FAM200B: variants seen among roughly 807,000 people sequenced by gnomAD.
FAM200B encodes the protein zinc finger BED-type containing 11.
In FAM200B, 32 loss-of-function variants were observed where a neutral mutation model predicts 33.1. The ratio of observed to expected loss-of-function variants is 0.97; its 90% confidence interval spans 0.73 to 1.30. The LOEUF (loss-of-function observed/expected upper bound fraction) is 1.30, where lower values mean the gene tolerates loss of function less well. FAM200B is among the 50% of genes most tolerant of loss of function. The probability of loss-of-function intolerance (pLI) is 0.00; values close to 1 mark genes in which losing one functional copy is unlikely to be tolerated. For missense variants in FAM200B, 741 were observed against 754.0 expected (o/e 0.98, Z 0.20); for synonymous variants, 240 against 264.8 (o/e 0.91, Z 0.91).
chr4:15,640,178 T>G, the FAM200B span, among the ~76,000 whole-genome samples: 1 of 152,076 alleles, frequency 6.6e-6, no homozygotes, highest in African/African-American at 2.4e-5. Flanking sequence ...GTAGCTGAGA[T>G]GACAGGCACA....
chr4:15,659,673 T>C, the FAM200B span: 8 of 953,780 alleles, frequency 8.4e-6, no homozygotes, highest in Non-Finnish European at 1.0e-5. Context: ...CCTTGCAAAA[T>C]TTTCAGACAG....
At chr4:15,640,980 G>T in the FAM200B span, 1 of 549,840 alleles carries the variant, frequency 1.8e-6, no homozygotes, top group Non-Finnish European at 3.1e-6. Flanking sequence ...AACCTCCGGG[G>T]AAAAAAAAAT....
At chr4:15,646,382 C>T in the FAM200B span, among the ~76,000 whole-genome samples, 3 of 147,424 alleles carry the variant, frequency 2.0e-5, no homozygotes, top group Admixed American at 1.3e-4. Flanking sequence ...TTTTTTAAAT[C>T]ATAAGAAATG....
At chr4:15,654,511 T>C in the FAM200B span, among the ~76,000 whole-genome samples, 4 of 152,134 alleles carry the variant, frequency 2.6e-5, no homozygotes, top group African/African-American at 7.2e-5. Flanking sequence ...CAAGAGAGAA[T>C]TGCTGTCTTA....
the FAM200B span, among the ~76,000 whole-genome samples, chr4:15,669,117 T>C: frequency 1.3e-5 from 2 of 152,206 alleles, no homozygotes; most frequent in Non-Finnish European, 1.5e-5. Context: ...TGAGTATTTG[T>C]TACTTGACAA....
the FAM200B span, among the ~76,000 whole-genome samples, chr4:15,648,030 T>G: frequency 1.3e-5 from 2 of 152,166 alleles, no homozygotes; most frequent in African/African-American, 4.8e-5. Flanking sequence ...CAGTTACTTT[T>G]TTATTTTTTA....
rs1025914532 is a variant in FAM200B, at chr4:15,687,861, C to G, written c.884C>G (p.Thr295Arg). 4 of 1,551,222 alleles carry G rather than the reference C, an allele frequency of 2.6e-6. No individual in the cohort carries two copies. The highest frequency in any genetic ancestry group is 2.0e-5 in the Admixed American group (1 of 50,996). Residue 295 changes from threonine (T) to arginine (R), a missense_variant, in exon 2 of 2, where the codon ACA becomes AGA. Coordinates refer to ENST00000422728, the MANE Select transcript of FAM200B (RefSeq NM_001145191.2). ...AACTGGAAAAACTGTAAAGGAATTA[C>G]AAGTGATGGCACAGCAACCATGACT... ...KLNWKNCKGI[T>R]SDGTATMTGK...
chr4:15,686,261 C>A lies in FAM200B; in HGVS notation c.-717C>A, dbSNP rs1008340036. The A allele has an allele frequency of 1.3e-5, 2 of 152,144 alleles. No homozygotes were observed. Among genetic ancestry groups the A allele is most frequent in the African/African-American group, 4.8e-5 (2 of 41,428 alleles). 9.4% of individuals were successfully genotyped at this position (152,144 alleles called of 1,614,324 possible). On this transcript the variant is annotated 5_prime_UTR_variant, in exon 2 of 2. Transcript: ENST00000422728. ...GTCAAGGATGCATTCCAGGAAAGTT[C>A]TATAAAAATATACCATCAACTCCAA...
chr4:15,652,780 A>T, the FAM200B span, among the ~76,000 whole-genome samples: 1 of 152,218 alleles, frequency 6.6e-6, no homozygotes, highest in African/African-American at 2.4e-5. Context: ...CTTCTTGATA[A>T]TAACTGGGCA....
the FAM200B span, among the ~76,000 whole-genome samples, chr4:15,672,861 A>G: frequency 5.3e-5 from 8 of 152,166 alleles, no homozygotes; most frequent in African/African-American, 1.9e-4. Flanking sequence ...TACATGTTGT[A>G]CAGCTGTACA....
the FAM200B span, chr4:15,638,359 A>G: frequency 2.0e-6 from 1 of 489,498 alleles, no homozygotes; most frequent in Non-Finnish European, 3.5e-6. Context: ...ATCGTCTTCA[A>G]TTAAATTGAT....
upstream of FAM200B, among the ~76,000 whole-genome samples, chr4:15,680,259 A>T (rs1269474341): frequency 6.6e-6 from 1 of 152,174 alleles, no homozygotes; most frequent in Non-Finnish European, 1.5e-5. Flanking sequence ...ACCCGTGAAG[A>T]CTATTAGGAA....
At chr4:15,655,664 C>T in the FAM200B span, among the ~76,000 whole-genome samples, 2 of 152,338 alleles carry the variant, frequency 1.3e-5, no homozygotes, top group South Asian at 4.1e-4. Context: ...CCGTTGCTGC[C>T]CTGCCCACCA....
At chr4:15,638,596 T>C in the FAM200B span, 1 of 1,613,558 alleles carries the variant, frequency 6.2e-7, no homozygotes, top group East Asian at 2.2e-5. Context: ...TAAGGAGTTC[T>C]GCAGTATCCT....
Position 15,687,528 on chromosome 4 carries a change from A to T in FAM200B, c.551A>T (p.Asp184Val). ...TTGGATATGGTGCGTACAATATTTG[A>T]TGATAAATCAGCTGATAAATTAAAA... Reference protein sequence around the residue: ...ACLDMVRTIFDDKSADKLKTI... With the variant: ...ACLDMVRTIFVDKSADKLKTI... Residue 184 changes from aspartate (D) to valine (V), a missense_variant, in exon 2 of 2, where the codon GAT (aspartate) becomes GTT (valine). Asp to Val is a radical substitution (Grantham distance 152, BLOSUM62 -3). Transcript: ENST00000422728. 6.4e-7 allele frequency: 1 copy of T among 1,550,806 alleles called. No homozygotes were observed. The highest frequency in any genetic ancestry group is 8.7e-7 in the Non-Finnish European group (1 of 1,146,618).
chr4:15,670,369 CATTCTTCATCCTTGGCAGT>C, the FAM200B span, among the ~76,000 whole-genome samples: 2 of 152,194 alleles, frequency 1.3e-5, no homozygotes, highest in Non-Finnish European at 2.9e-5. Context: ...CTCCGTTTTG[CATTCTTCATCCTTGGCAGT>C]ATTCTTTGCT....
chr4:15,665,103 T>C, the FAM200B span, among the ~76,000 whole-genome samples: 1 of 152,146 alleles, frequency 6.6e-6, no homozygotes, highest in Non-Finnish European at 1.5e-5. Flanking sequence ...AGATGAAAAC[T>C]GAGCCACGTG....
Position 15,688,456 on chromosome 4 carries a change from G to T in FAM200B, c.1479G>T (p.Glu493Asp). The change falls in exon 2 of 2, where the codon GAG becomes GAT. Residue 493 changes from glutamate to aspartate, a missense_variant. Glu to Asp is a conservative substitution (Grantham distance 45, BLOSUM62 2). Transcript: ENST00000422728. ...MFPRFLQHIE[E>D]NIINENILKE... ...CAAGATTTTTGCAGCATATTGAAGA[G>T]AATATTATTAATGAAAACATTTTGA... 1.3e-6 allele frequency: 2 copies of T among 1,541,136 alleles called. No homozygotes were observed. Among genetic ancestry groups the T allele is most frequent in the Non-Finnish European group, 1.8e-6 (2 of 1,139,310 alleles).
the FAM200B span, among the ~76,000 whole-genome samples, chr4:15,651,957 C>G: frequency 6.6e-6 from 1 of 152,182 alleles, no homozygotes; most frequent in African/African-American, 2.4e-5. Flanking sequence ...CCTTTGCTCC[C>G]ACTATACCCT....
Sources: allele counts gnomAD v4.1 joint callset (sites outside exome capture counted in the v4.1 genomes callset), GRCh38; gene constraint gnomAD v4.1.1; transcripts MANE v1.5; gene names NCBI Gene and HGNC (gene_info 2026-07-23, HGNC 2026-07-21).